Variants in SLC35F4 observed in about 807,000 individuals in gnomAD.
The protein encoded by SLC35F4 is solute carrier family 35 member F4.
In SLC35F4, 24 loss-of-function variants were observed where a neutral mutation model predicts 44.2. The observed-to-expected ratio is 0.54, with a 90% confidence interval of 0.39 to 0.76. SLC35F4 has a LOEUF of 0.76. Ranked by LOEUF, SLC35F4 falls within the 30% of genes least tolerant of loss-of-function variation. The pLI is 0.00. For missense variants in SLC35F4, 562 were observed against 586.1 expected (o/e 0.96, Z 0.42); for synonymous variants, 238 against 223.6 (o/e 1.06, Z -0.57).
chr14:57,785,213 T>C (rs2077725252), intron 1 of SLC35F4, among the ~76,000 whole-genome samples: 1 of 152,146 alleles, frequency 6.6e-6, no homozygotes, highest in African/African-American at 2.4e-5. Flanking sequence ...CTGAAGTTTA[T>C]ACTACATGAA....
chr14:57,963,264 GT>G (rs2141089398), intron 1 of SLC35F4, among the ~76,000 whole-genome samples: 1 of 152,294 alleles, frequency 6.6e-6, no homozygotes, highest in East Asian at 1.9e-4. Flanking sequence ...CCTCCAGCAG[GT>G]CAGGTGCTTG....
rs563935378 is a variant in SLC35F4, at chr14:57,904,643, G to A, written n.282+77270C>T. Among the ~76,000 whole-genome samples the A allele has an allele frequency of 1.1e-3, 168 of 152,324 alleles. 1 individual carries two copies. The highest frequency in any genetic ancestry group is 1.7e-3 in the Non-Finnish European group (119 of 68,026). On this transcript the variant is annotated intron_variant and non_coding_transcript_variant, in intron 1 of 1. Coordinates refer to the SLC35F4 transcript ENST00000556568. Reference sequence around the variant, plus strand: ...GACACTATTAGGATTTTCTGTGTCAGGATCTAGGATAAATTTTTTTACATG... The same window carrying A: ...GACACTATTAGGATTTTCTGTGTCAAGATCTAGGATAAATTTTTTTACATG...
At position 57,900,838 on chromosome 14, in the gene SLC35F4, C is replaced by T. The variant is rs181312074; in HGVS notation, n.282+81075G>A. On this transcript the variant is annotated intron_variant and non_coding_transcript_variant, in intron 1 of 1. Transcript: ENST00000556568. ...TTAAACAAATTTACAAGAAAAAAAA[C>T]CCATTAAAAAATGCACAAAGGACAC... Among the ~76,000 whole-genome samples, 664 of 152,066 alleles carry T rather than the reference C, an allele frequency of 4.4e-3. 2 individuals are homozygous for T. Among genetic ancestry groups the T allele is most frequent in the Non-Finnish European group, 7.1e-3 (482 of 67,978 alleles).
chr14:57,601,783 A>G (rs1046462479), intron 1 of SLC35F4, among the ~76,000 whole-genome samples: 14 of 152,178 alleles, frequency 9.2e-5, no homozygotes, highest in African/African-American at 3.4e-4. Flanking sequence ...AAAAATGCCT[A>G]CTATTTAATT....
chr14:57,846,826 G>A (rs1886070071), intron 1 of SLC35F4, among the ~76,000 whole-genome samples: 1 of 152,158 alleles, frequency 6.6e-6, no homozygotes, highest in African/African-American at 2.4e-5. Flanking sequence ...GAGTTAGTGA[G>A]AGTACATACC....
chr14:57,645,019 T>C lies in SLC35F4; in HGVS notation c.104-50895A>G, dbSNP rs536762803. The stretch of plus-strand genomic sequence containing the variant: ...ACAAGTACCATGCTGTTTTGGTTAC[T>C]GTAGCCTTGTAGTATAGTTTAAAGT... On this transcript the variant is annotated intron_variant, in intron 1 of 7. Transcript: ENST00000556826. Among the ~76,000 whole-genome samples the C allele has an allele frequency of 5.3e-5, 8 of 152,368 alleles. No individual in the cohort carries two copies. In the South Asian group the frequency reaches 1.7e-3, roughly 32 times the overall value.
At chr14:57,678,484 G>A (rs766576913) in intron 1 of SLC35F4, among the ~76,000 whole-genome samples, 2 of 151,946 alleles carry the variant, frequency 1.3e-5, no homozygotes, top group African/African-American at 4.8e-5. Flanking sequence ...TAACCAGCTA[G>A]CATCATAATG....
At chr14:57,773,805 T>C (rs192696338) in intron 1 of SLC35F4, among the ~76,000 whole-genome samples, 139 of 152,276 alleles carry the variant, frequency 9.1e-4, no homozygotes, top group African/African-American at 3.2e-3. Flanking sequence ...AGATCTCTAA[T>C]AGAATCCCTC....
At chr14:57,682,433 G>A (rs190717982) in intron 1 of SLC35F4, among the ~76,000 whole-genome samples, 1 of 152,224 alleles carries the variant, frequency 6.6e-6, no homozygotes, top group African/African-American at 2.4e-5. Flanking sequence ...TCATAATTGG[G>A]AACTGAACAA....
intron 1 of SLC35F4, among the ~76,000 whole-genome samples, chr14:57,677,184 C>T (rs1278768783): frequency 6.6e-6 from 1 of 152,088 alleles, no homozygotes; most frequent in Middle Eastern, 3.4e-3. Context: ...CATATGTTCT[C>T]ACTTATAAGT....
At chr14:57,711,061 A>G (rs2075806780) in intron 1 of SLC35F4, among the ~76,000 whole-genome samples, 1 of 152,084 alleles carries the variant, frequency 6.6e-6, no homozygotes, top group South Asian at 2.1e-4. Context: ...CCCAAATCTC[A>G]TCTTGAATTT....
intron 1 of SLC35F4, among the ~76,000 whole-genome samples, chr14:57,735,081 T>G (rs1225575627): frequency 3.9e-5 from 6 of 152,172 alleles, no homozygotes; most frequent in South Asian, 2.1e-4. Context: ...CTGACATCTG[T>G]GACATACAAA....
In SLC35F4 at chr14:57,830,524, G is replaced by T. The variant is rs114277357; in HGVS notation, c.103+35199C>A. On this transcript the variant is annotated intron_variant, in intron 1 of 7. Coordinates refer to ENST00000556826, the MANE Select transcript of SLC35F4 (RefSeq NM_001306087.2). ...TGGAAATCCTAAAAGATATTTCTTA[G>T]AAAACCTGAAGTCTAGCATGAGAAA... 9.6e-3 allele frequency among the ~76,000 whole-genome samples: 1,468 copies of T among 152,248 alleles called. 16 individuals carry two copies. Among genetic ancestry groups the T allele is most frequent in the Middle Eastern group, 0.034 (10 of 294 alleles).
At chr14:57,820,673 A>G (rs1199641351) in intron 1 of SLC35F4, among the ~76,000 whole-genome samples, 1 of 152,182 alleles carries the variant, frequency 6.6e-6, no homozygotes, top group Admixed American at 6.5e-5. Flanking sequence ...AGGAGACAAA[A>G]CTTCCTTTTT....
At chr14:57,821,975 T>C (rs913775184) in intron 1 of SLC35F4, among the ~76,000 whole-genome samples, 3 of 152,212 alleles carry the variant, frequency 2.0e-5, no homozygotes, top group Non-Finnish European at 4.4e-5. Flanking sequence ...TACATGTCCA[T>C]GTCCCTGAGA....
chr14:57,919,546 G>T (rs563740370), intron 1 of SLC35F4, among the ~76,000 whole-genome samples: 1 of 152,336 alleles, frequency 6.6e-6, no homozygotes, highest in South Asian at 2.1e-4. Context: ...AGAAAAAGCA[G>T]CTGTATTCTT....
intron 6 of SLC35F4, among the ~76,000 whole-genome samples, chr14:57,567,706 G>A (rs896812673): frequency 8.5e-5 from 13 of 152,222 alleles, no homozygotes; most frequent in Non-Finnish European, 1.3e-4. Context: ...GACTCAGGGA[G>A]TCCAACATCG....
chr14:57,660,541 A>G (rs1323169754), intron 1 of SLC35F4, among the ~76,000 whole-genome samples: 1 of 147,824 alleles, frequency 6.8e-6, no homozygotes, highest in Non-Finnish European at 1.5e-5. Flanking sequence ...GGACCACACA[A>G]GGGCATGAAC....
chr14:57,800,072 C>T (rs988798769), intron 1 of SLC35F4, among the ~76,000 whole-genome samples: 1 of 152,232 alleles, frequency 6.6e-6, no homozygotes, highest in African/African-American at 2.4e-5. Flanking sequence ...GGCCTCCCAA[C>T]AGGGGTCTCT....
Sources: gnomAD v4.1 joint callset for allele counts (sites outside exome capture counted in the v4.1 genomes callset) on GRCh38, gnomAD v4.1.1 for gene constraint, MANE v1.5 for transcripts, NCBI Gene and HGNC (gene_info 2026-07-23, HGNC 2026-07-21) for gene names.